TMF1: variants seen among roughly 807,000 people sequenced by gnomAD.
The protein encoded by TMF1 is TATA element modulatory factor 1.
TMF1 carries 71 observed loss-of-function variants against 126.5 expected under a neutral mutation model. That is an observed-to-expected ratio of 0.56 (90% CI 0.46 to 0.68). TMF1 has a LOEUF of 0.68. Ranked by LOEUF, TMF1 falls within the 30% of genes least tolerant of loss-of-function variation. The pLI is 0.00. For synonymous variants in TMF1, 461 were observed against 430.5 expected, an observed-to-expected ratio of 1.07 and a Z score of -0.88; for missense variants, 1,259 against 1,253.2, an observed-to-expected ratio of 1.00 and a Z score of -0.07.
intron 1 of TMF1, among the ~76,000 whole-genome samples, chr3:69,050,415 T>A (rs1024748002): frequency 1.3e-5 from 2 of 152,082 alleles, no homozygotes; most frequent in African/African-American, 4.8e-5. Context: ...AAATCAAAAT[T>A]AAATATGCAA....
At chr3:69,042,369 A>C (rs1443317575) in intron 5 of TMF1, 3 of 455,912 alleles carry the variant, frequency 6.6e-6, no homozygotes, top group African/African-American at 6.0e-5. Context: ...TTTCAGAGAC[A>C]AAAGTGCTTA....
chr3:69,043,917 T>C (rs769842459), intron 3 of TMF1, 41 bp from the exon 4 acceptor site: 127 of 1,547,908 alleles, frequency 8.2e-5, no homozygotes, highest in Admixed American at 3.7e-4. Context: ...ATGGTGTCTA[T>C]ATATCCCAAA....
In TMF1 at chr3:69,042,811, T is replaced by C; in HGVS notation, c.1680A>G (p.Glu560=). Residue 560 remains glutamate (E), a synonymous_variant, in exon 5 of 17, where the codon GAA becomes GAG. Transcript: ENST00000398559. ...EKDEQIRGLM[E]EGEKLSKQQL... ...TCAACCAAATACTATACGCACCTTC[T>C]TCCATTAACCCTCGGATCTGCTCAT... is the stretch of plus-strand genomic sequence containing the variant. 6.2e-7 allele frequency: 1 copy of C among 1,612,854 alleles called. No homozygotes were observed. Among genetic ancestry groups the C allele is most frequent in the Non-Finnish European group, 8.5e-7 (1 of 1,179,180 alleles).
intron 13 of TMF1, among the ~76,000 whole-genome samples, chr3:69,026,984 T>TTTTA (rs903614815): frequency 1.1e-4 from 17 of 152,044 alleles, no homozygotes; most frequent in African/African-American, 4.1e-4. Context: ...GAAAACTCAT[T>TTTTA]TTTATTTATT....
chr3:69,047,647 T>C lies in TMF1; in HGVS notation c.1058A>G (p.Tyr353Cys). Reference sequence around the variant, plus strand: ...ATTAACTATAATAGGCACTAAAGCATATCCCTTGCCTGACAATTCATCATC... The same window carrying C: ...ATTAACTATAATAGGCACTAAAGCACATCCCTTGCCTGACAATTCATCATC... ...NSDDELSGKG[Y>C]ALVPIIVNSS... The change falls in exon 2 of 17, where the codon TAT (tyrosine) becomes TGT (cysteine). Residue 353 changes from tyrosine to cysteine, a missense_variant. Transcript: ENST00000398559. The C allele has an allele frequency of 6.2e-7, 1 of 1,614,158 alleles. No homozygotes were observed. Among genetic ancestry groups the C allele is most frequent in the South Asian group, 1.1e-5 (1 of 91,082 alleles).
At position 69,052,277 on chromosome 3, in the gene TMF1, A is replaced by C; in HGVS notation, c.-191T>G. The C allele has an allele frequency of 3.8e-6, 2 of 524,704 alleles. No homozygotes were observed. Among genetic ancestry groups the C allele is most frequent in the Non-Finnish European group, 6.5e-6 (2 of 307,200 alleles). 32.5% of individuals were successfully genotyped at this position (524,704 alleles called of 1,614,324 possible). On this transcript the variant is annotated 5_prime_UTR_variant, in exon 1 of 17. Transcript: ENST00000398559. ...GGCCGTTCCCGCACAGCTGAGACGAAGGGGGCCCATGTGCGCATGCGCTTG... is the reference window on the plus strand; with the variant it reads ...GGCCGTTCCCGCACAGCTGAGACGACGGGGGCCCATGTGCGCATGCGCTTG...
At chr3:69,026,373 G>A (rs1440582156) in intron 13 of TMF1, among the ~76,000 whole-genome samples, 1 of 152,170 alleles carries the variant, frequency 6.6e-6, no homozygotes, top group Non-Finnish European at 1.5e-5. Flanking sequence ...AAGGAGGGTG[G>A]ATCACCTGAG....
intron 8 of TMF1, 139 bp from the exon 9 acceptor site, chr3:69,035,254 T>G: frequency 1.6e-6 from 1 of 642,214 alleles, no homozygotes; most frequent in Middle Eastern, 3.3e-4. Flanking sequence ...TACATATGAT[T>G]ATCACATCTC....
At chr3:69,045,545 T>G (rs971288289) in intron 2 of TMF1, among the ~76,000 whole-genome samples, 4 of 151,994 alleles carry the variant, frequency 2.6e-5, no homozygotes, top group Admixed American at 2.6e-4. Context: ...TTTGGTAGGC[T>G]GAGGAGGGCA....
At chr3:69,030,976 C>G (rs1016295413) in intron 10 of TMF1, among the ~76,000 whole-genome samples, 1 of 152,152 alleles carries the variant, frequency 6.6e-6, no homozygotes, top group African/African-American at 2.4e-5. Flanking sequence ...TCTGTAATAG[C>G]CAGAGCTTGG....
Position 69,052,279 on chromosome 3 carries a change from G to T in TMF1, c.-193C>A, listed in dbSNP as rs186081443. ...CCGTTCCCGCACAGCTGAGACGAAG[G>T]GGGCCCATGTGCGCATGCGCTTGCT... On this transcript the variant is annotated 5_prime_UTR_variant, in exon 1 of 17. Transcript: ENST00000398559. 5.0e-3 allele frequency: 2,576 copies of T among 513,716 alleles called. 61 individuals are homozygous for T. Among genetic ancestry groups the T allele is most frequent in the African/African-American group, 0.046 (2,329 of 50,648 alleles). The allele number at this position is 513,716 out of a possible 1,614,324, so 31.8% of individuals were successfully genotyped here.
Position 69,052,017 on chromosome 3 carries a change from T to C in TMF1, c.70A>G (p.Ile24Val). Residue 24 changes from isoleucine (I) to valine (V), a missense_variant, in exon 1 of 17, where the codon ATT (isoleucine) becomes GTT (valine). Physicochemically the swap from Ile to Val is conservative, Grantham distance 29 (BLOSUM62 3). Coordinates refer to ENST00000398559, the MANE Select transcript of TMF1 (RefSeq NM_007114.3). ...KQALSQAQKS[I>V]DRVLDIQEEE... The stretch of plus-strand genomic sequence containing the variant: ...TCCTGGATGTCCAGAACCCTGTCAA[T>C]AGACTTCTGGGCCTGGGACAGGGCC... 1.2e-6 allele frequency: 2 copies of C among 1,613,966 alleles called. No homozygotes were observed. The highest frequency in any genetic ancestry group is 1.7e-6 in the Non-Finnish European group (2 of 1,179,946).
rs546736889 is a variant in TMF1 at position 69,044,588 on chromosome 3, T to G, written c.1355A>C (p.Glu452Ala). 5.0e-6 allele frequency: 8 copies of G among 1,606,140 alleles called. No individual in the cohort carries two copies. The East Asian group carries it at 1.3e-4, about 27-fold the overall frequency. Residue 452 changes from glutamate (E) to alanine (A), a missense_variant, in exon 3 of 17, where the codon GAA becomes GCA. Transcript: ENST00000398559. ...SEKEDVCKTV[E>A]FLNEKLEKRE... is the part of the protein sequence containing the mutation. ...TTTTTCCAGCTTTTCATTCAGAAAT[T>G]CAACTGTCTGGATAAGGCGAATACA...
chr3:69,034,903 A>T, intron 9 of TMF1, 120 bp downstream of exon 9: 1 of 868,868 alleles, frequency 1.2e-6, no homozygotes, highest in Non-Finnish European at 1.8e-6. Context: ...AAAATTCAGC[A>T]AATGCTAGGT....
chr3:69,032,651 C>G (rs985933795), intron 10 of TMF1, among the ~76,000 whole-genome samples: 1 of 147,394 alleles, frequency 6.8e-6, no homozygotes, highest in African/African-American at 2.5e-5. Flanking sequence ...CGCTCTGTCA[C>G]CCAGGCTGGA....
rs1204343992 is a variant in TMF1 at position 69,029,856 on chromosome 3, T to C, written c.2553A>G (p.Ser851=). The change falls in exon 11 of 17, where the codon TCA becomes TCG. Residue 851 remains serine (S), a synonymous_variant. Coordinates refer to ENST00000398559, the MANE Select transcript of TMF1 (RefSeq NM_007114.3). ...ENSRFQAQLE[S]EKNRLCKLED... is the part of the protein sequence containing the mutation. The stretch of plus-strand genomic sequence containing the variant: ...CCAGTTTACACAGCCTATTTTTCTC[T>C]GATTCTAGCTGGGCTTGAAATCTAC... The C allele has an allele frequency of 6.2e-7, 1 of 1,613,808 alleles. No individual in the cohort carries two copies. The highest frequency in any genetic ancestry group is 1.7e-5 in the Admixed American group (1 of 59,980).
chr3:69,035,366 G>A, intron 8 of TMF1: 1 of 452,294 alleles, frequency 2.2e-6, no homozygotes, highest in East Asian at 4.0e-5. Flanking sequence ...ATAAGGCATA[G>A]CCATTACCAT....
intron 8 of TMF1, among the ~76,000 whole-genome samples, chr3:69,037,966 A>G (rs1206966589): frequency 6.6e-6 from 1 of 152,218 alleles, no homozygotes; most frequent in Non-Finnish European, 1.5e-5. Context: ...GGGAATGTAA[A>G]GTAATGCAGC....
intron 13 of TMF1, among the ~76,000 whole-genome samples, chr3:69,026,489 G>C (rs559834999): frequency 5.3e-5 from 8 of 152,246 alleles, no homozygotes; most frequent in African/African-American, 9.6e-5. Flanking sequence ...CCAGCTACTC[G>C]GGAGGCTGAG....
Sources: gnomAD v4.1 joint callset for allele counts (sites outside exome capture counted in the v4.1 genomes callset) on GRCh38, gnomAD v4.1.1 for gene constraint, MANE v1.5 for transcripts, NCBI Gene and HGNC (gene_info 2026-07-23, HGNC 2026-07-21) for gene names.